The following UBTD1 variants were observed in gnomAD, a reference collection of about 807,000 sequenced individuals.
The protein encoded by UBTD1 is ubiquitin domain-containing protein 1.
UBTD1 carries 19 observed loss-of-function variants against 21.7 expected under a neutral mutation model. The observed-to-expected ratio is 0.87, with a 90% CI of 0.61 to 1.28. The LOEUF (loss-of-function observed/expected upper bound fraction) is 1.28, where lower values mean the gene tolerates loss of function less well. UBTD1 is among the 50% of genes most tolerant of loss of function. The pLI, the probability that UBTD1 is intolerant of heterozygous loss-of-function variation, is 0.00. For missense variants in UBTD1, 282 were observed against 315.1 expected (o/e 0.89, Z 0.80); for synonymous variants, 116 against 135.1 (o/e 0.86, Z 0.98).
chr10:97,512,946 G>A (rs901556224), intron 1 of UBTD1, among the ~76,000 whole-genome samples: 8 of 152,214 alleles, frequency 5.3e-5, no homozygotes, highest in Non-Finnish European at 1.2e-4. Flanking sequence ...CCCTTTTGCA[G>A]GCTGCACCTG....
At chr10:97,521,458 G>T (rs1306572556) in intron 1 of UBTD1, among the ~76,000 whole-genome samples, 1 of 152,224 alleles carries the variant, frequency 6.6e-6, no homozygotes, top group East Asian at 1.9e-4. Context: ...CAGCCTCCAG[G>T]GGTGGTGAGG....
At chr10:97,530,002 C>T (rs2040520649) in intron 1 of UBTD1, among the ~76,000 whole-genome samples, 1 of 152,180 alleles carries the variant, frequency 6.6e-6, no homozygotes, top group South Asian at 2.1e-4. Context: ...AGACCTTCCG[C>T]AGAGGGGGTG....
At chr10:97,544,731 G>A (rs748921992) in intron 1 of UBTD1, among the ~76,000 whole-genome samples, 12 of 152,262 alleles carry the variant, frequency 7.9e-5, no homozygotes, top group South Asian at 2.1e-4. Context: ...TGGCTCATGC[G>A]TGTAATCCCA....
intron 1 of UBTD1, among the ~76,000 whole-genome samples, chr10:97,518,345 A>G (rs1199393586): frequency 6.6e-6 from 1 of 152,106 alleles, no homozygotes; most frequent in Non-Finnish European, 1.5e-5. Context: ...CTTTCTCCCT[A>G]GCTGCCCCTC....
intron 1 of UBTD1, among the ~76,000 whole-genome samples, chr10:97,539,847 C>A (rs937300024): frequency 1.3e-5 from 2 of 152,160 alleles, no homozygotes; most frequent in African/African-American, 4.8e-5. Flanking sequence ...GGGCCAACTC[C>A]TAGAGGCAGC....
chr10:97,548,169 G>C (rs2040619958), intron 1 of UBTD1, among the ~76,000 whole-genome samples: 1 of 152,228 alleles, frequency 6.6e-6, no homozygotes, highest in South Asian at 2.1e-4. Flanking sequence ...GCCCACATGT[G>C]AGTAGCCAGA....
chr10:97,523,016 A>C (rs765809844), intron 1 of UBTD1, among the ~76,000 whole-genome samples: 3 of 151,946 alleles, frequency 2.0e-5, no homozygotes, highest in Non-Finnish European at 4.4e-5. Flanking sequence ...CTACCTGGAG[A>C]TCTCCAGACC....
At chr10:97,539,375 G>A (rs1304075790) in intron 1 of UBTD1, among the ~76,000 whole-genome samples, 1 of 152,178 alleles carries the variant, frequency 6.6e-6, no homozygotes, top group Admixed American at 6.5e-5. Context: ...GGGAGGATCA[G>A]TTGAGCTCAG....
chr10:97,547,097 T>A (rs886478851), intron 1 of UBTD1, among the ~76,000 whole-genome samples: 1 of 152,160 alleles, frequency 6.6e-6, no homozygotes, highest in Non-Finnish European at 1.5e-5. Context: ...CTTGGAGTGG[T>A]GCATGTCTGA....
intron 1 of UBTD1, among the ~76,000 whole-genome samples, chr10:97,536,614 A>G (rs1240075902): frequency 6.6e-6 from 1 of 152,102 alleles, no homozygotes; most frequent in East Asian, 1.9e-4. Context: ...TGCCCATCAG[A>G]ACTTGAAGGG....
chr10:97,507,611 A>G (rs774708412), intron 1 of UBTD1, among the ~76,000 whole-genome samples: 11 of 151,620 alleles, frequency 7.3e-5, no homozygotes, highest in Non-Finnish European at 1.6e-4. Context: ...CGTCTCTACT[A>G]AAAATACAAA....
At chr10:97,547,850 C>T (rs2135678984) in intron 1 of UBTD1, among the ~76,000 whole-genome samples, 1 of 152,040 alleles carries the variant, frequency 6.6e-6, no homozygotes, top group Non-Finnish European at 1.5e-5. Context: ...AGGCATGAGC[C>T]ATCACGCCCA....
intron 1 of UBTD1, among the ~76,000 whole-genome samples, chr10:97,530,223 A>AATGGATGG (rs551381885): frequency 6.6e-6 from 1 of 152,050 alleles, no homozygotes; most frequent in Admixed American, 6.6e-5. Flanking sequence ...TGAATGAATG[A>AATGGATGG]ATGGATGGAT....
intron 1 of UBTD1, among the ~76,000 whole-genome samples, chr10:97,533,083 C>T (rs552592256): frequency 3.3e-5 from 5 of 152,312 alleles, no homozygotes; most frequent in South Asian, 4.2e-4. Context: ...GTCACCACGG[C>T]GACAAGATGC....
At chr10:97,508,100 A>C (rs1459536290) in intron 1 of UBTD1, among the ~76,000 whole-genome samples, 1 of 152,190 alleles carries the variant, frequency 6.6e-6, no homozygotes, top group Non-Finnish European at 1.5e-5. Flanking sequence ...TATTTGGGTT[A>C]ATTCTCACAA....
chr10:97,521,438 T>C (rs1166606453), intron 1 of UBTD1, among the ~76,000 whole-genome samples: 2 of 152,180 alleles, frequency 1.3e-5, no homozygotes, highest in Non-Finnish European at 2.9e-5. Flanking sequence ...ACGGGCTGCC[T>C]CTGAGAGCCC....
At chr10:97,549,038 G>T (rs994376366) in intron 1 of UBTD1, among the ~76,000 whole-genome samples, 1 of 152,230 alleles carries the variant, frequency 6.6e-6, no homozygotes, top group African/African-American at 2.4e-5. Flanking sequence ...TGTGTACGTT[G>T]TATGCAGCAC....
intron 1 of UBTD1, among the ~76,000 whole-genome samples, chr10:97,545,055 C>G (rs1428091781): frequency 6.6e-6 from 1 of 151,840 alleles, no homozygotes; most frequent in Non-Finnish European, 1.5e-5. Context: ...TACTCTCCGG[C>G]CAAGCATGGT....
intron 1 of UBTD1, among the ~76,000 whole-genome samples, chr10:97,530,783 C>T (rs536641124): frequency 1.1e-4 from 17 of 152,156 alleles, no homozygotes; most frequent in African/African-American, 4.1e-4. Context: ...AATGTCTCAA[C>T]ATATTATTGC....
Sources: allele counts gnomAD v4.1 joint callset (sites outside exome capture counted in the v4.1 genomes callset), GRCh38; gene constraint gnomAD v4.1.1; transcripts MANE v1.5; gene names NCBI Gene and HGNC (gene_info 2026-07-23, HGNC 2026-07-21).